The following PIEZO2 variants were observed in gnomAD, a reference collection of about 807,000 sequenced individuals.
PIEZO2 encodes piezo type mechanosensitive ion channel component 2, also known as piezo-type mechanosensitive ion channel component 2.
Under a neutral mutation model 337.3 loss-of-function variants are expected in PIEZO2, and 172 were observed. That is an observed-to-expected ratio of 0.51 (90% confidence interval 0.45 to 0.58). The LOEUF is 0.58. PIEZO2 is among the 20% of genes least tolerant of loss of function. The pLI is 0.00. For synonymous variants in PIEZO2, 1,251 were observed against 1,228.5 expected (o/e 1.02, Z -0.38); for missense variants, 3,028 against 3,391.3 (o/e 0.89, Z 2.66).
At chr18:11,022,517 T>TC in intron 2 of PIEZO2, among the ~76,000 whole-genome samples, 1 of 152,260 alleles carries the variant, frequency 6.6e-6, no homozygotes, top group Non-Finnish European at 1.5e-5. Flanking sequence ...GGGGCCTCTC[T>TC]CCTTGGCTGG....
intron 4 of PIEZO2, among the ~76,000 whole-genome samples, chr18:10,889,032 GA>G (rs2042684635): frequency 6.6e-6 from 1 of 152,188 alleles, no homozygotes; most frequent in East Asian, 1.9e-4. Flanking sequence ...AGGAAGGAAG[GA>G]AAAATGGAAA....
At position 10,752,868 on chromosome 18, in the gene PIEZO2, T is replaced by TCTA; in HGVS notation, c.3932_3934dup (p.Leu1311_Asp1312insVal). 2 of 1,530,480 alleles carry TCTA rather than the reference T, an allele frequency of 1.3e-6. No individual in the cohort carries two copies. Among genetic ancestry groups the TCTA allele is most frequent in the Non-Finnish European group, 1.8e-6 (2 of 1,142,178 alleles). 94.8% of individuals were successfully genotyped at this position (1,530,480 alleles called of 1,614,324 possible). On this transcript the variant is annotated inframe_insertion, in exon 28 of 56. Coordinates refer to ENST00000674853, the MANE Select transcript of PIEZO2 (RefSeq NM_001378183.1). ...GCTGAAGATGATCACTTTGGACATG[T>TCTA]CTAAGTAAGATCTGGAAAACAAAGC...
At chr18:10,758,245 G>A in intron 26 of PIEZO2, 111 bp from the exon 27 acceptor site, 2 of 1,246,250 alleles carry the variant, frequency 1.6e-6, no homozygotes, top group Admixed American at 2.6e-5. Context: ...TAAGTGAGTT[G>A]TGTTCCCAAA....
chr18:11,018,131 G>A (rs1222350047), intron 2 of PIEZO2, among the ~76,000 whole-genome samples: 1 of 151,714 alleles, frequency 6.6e-6, no homozygotes, highest in Non-Finnish European at 1.5e-5. Context: ...GTAGTGGCCG[G>A]TCATCCACAG....
chr18:10,857,191 A>G lies in PIEZO2; in HGVS notation c.513T>C (p.Asp171=). The G allele has an allele frequency of 3.9e-6, 6 of 1,537,784 alleles. No individual in the cohort carries two copies. The highest frequency in any genetic ancestry group is 4.4e-6 in the Non-Finnish European group (5 of 1,147,028). The change falls in exon 6 of 56, where the codon GAT becomes GAC. Residue 171 remains aspartate, a synonymous_variant. Transcript: ENST00000674853. ...CTTCATAGATCAGTGCCTCTTCTGA[A>G]TCAATTTTTTCTCCTTCAGCCTAAA... ...NEELAEGEKI[D]SEEALIYEED...
rs557380541 is a variant in PIEZO2 at position 10,700,069 on chromosome 18, T to A, written c.6442-892A>T. Among the ~76,000 whole-genome samples the A allele has an allele frequency of 5.9e-5, 9 of 151,612 alleles. No individual in the cohort carries two copies. The South Asian group carries it at 1.7e-3, about 28-fold the overall frequency. On this transcript the variant is annotated intron_variant, in intron 43 of 55. Coordinates refer to ENST00000674853, the MANE Select transcript of PIEZO2 (RefSeq NM_001378183.1). The stretch of plus-strand genomic sequence containing the variant: ...AACATATTCAATGAATGTATTCTTA[T>A]AAACATAACAAACATTTTAGCTTTT...
chr18:10,880,166 C>T (rs117903936), intron 4 of PIEZO2, among the ~76,000 whole-genome samples: 3 of 152,138 alleles, frequency 2.0e-5, no homozygotes, highest in Non-Finnish European at 4.4e-5. Context: ...CTGTGTAGAA[C>T]GAATATGAAA....
At chr18:10,890,298 C>A (rs551983270) in intron 4 of PIEZO2, among the ~76,000 whole-genome samples, 3 of 152,300 alleles carry the variant, frequency 2.0e-5, no homozygotes, top group Admixed American at 2.0e-4. Context: ...TAAGGCAGAG[C>A]AGGCCTCATT....
At chr18:11,089,622 C>T (rs948408106) in intron 1 of PIEZO2, among the ~76,000 whole-genome samples, 3 of 152,200 alleles carry the variant, frequency 2.0e-5, no homozygotes, top group Non-Finnish European at 2.9e-5. Context: ...AAATCCCCAT[C>T]AACTCCATTA....
rs972514835 is a variant in PIEZO2 at position 10,846,234 on chromosome 18, A to C, written c.917+9119T>G. On this transcript the variant is annotated intron_variant, in intron 7 of 55. Coordinates refer to ENST00000674853, the MANE Select transcript of PIEZO2 (RefSeq NM_001378183.1). The surrounding 1 kb of genome is among the most constrained non-coding windows in gnomAD (Gnocchi z 4.1). ...GGCAGAAGGCAAGGAGGAGCAAGTC[A>C]CATCTTACACAGATGGCAGCAGGCA... is the stretch of plus-strand genomic sequence containing the variant. 6.6e-6 allele frequency among the ~76,000 whole-genome samples: 1 copy of C among 152,196 alleles called. No homozygotes were observed. The highest frequency in any genetic ancestry group is 1.5e-5 in the Non-Finnish European group (1 of 68,036).
intron 16 of PIEZO2, among the ~76,000 whole-genome samples, chr18:10,786,242 T>C (rs184300461): frequency 1.1e-4 from 17 of 152,350 alleles, no homozygotes; most frequent in African/African-American, 4.1e-4. Flanking sequence ...TAGACTTATT[T>C]TACACTAAAT....
At chr18:10,832,026 G>A (rs955231765) in intron 7 of PIEZO2, among the ~76,000 whole-genome samples, 11 of 152,094 alleles carry the variant, frequency 7.2e-5, no homozygotes, top group Non-Finnish European at 1.3e-4. Flanking sequence ...GGCCAGGTGC[G>A]GTGGCTCACA....
chr18:11,103,519 T>C (rs2039476496), intron 1 of PIEZO2, among the ~76,000 whole-genome samples: 1 of 152,166 alleles, frequency 6.6e-6, no homozygotes, highest in South Asian at 2.1e-4. Context: ...GTGATTTCAG[T>C]TTAAACCAAG....
At chr18:11,124,579 G>A (rs2040128406) in intron 1 of PIEZO2, among the ~76,000 whole-genome samples, 1 of 152,126 alleles carries the variant, frequency 6.6e-6, no homozygotes, top group Non-Finnish European at 1.5e-5. Context: ...GTTCCTTGAT[G>A]GAGACTTGGG....
In PIEZO2 at chr18:11,035,799, T is replaced by G. The variant is rs1258497750; in HGVS notation, c.160+30328A>C. Among the ~76,000 whole-genome samples the G allele has an allele frequency of 6.6e-6, 1 of 152,242 alleles. No homozygotes were observed. The highest frequency in any genetic ancestry group is 1.5e-5 in the Non-Finnish European group (1 of 68,004). ...AGCACATATTTGTAAATAAGCCAAC[T>G]CCTAAAATAATATGAAACTCTGACT... is the stretch of plus-strand genomic sequence containing the variant. On this transcript the variant is annotated intron_variant, in intron 2 of 55. Coordinates refer to ENST00000674853, the MANE Select transcript of PIEZO2 (RefSeq NM_001378183.1). The surrounding 1 kb of genome is among the most constrained non-coding windows in gnomAD (Gnocchi z 4.3).
At position 10,784,793 on chromosome 18, in the gene PIEZO2, G is replaced by A. The variant is rs775818446; in HGVS notation, c.2483C>T (p.Thr828Ile). Residue 828 changes from threonine (T) to isoleucine (I), a missense_variant, in exon 17 of 56, where the codon ACC (threonine) becomes ATC (isoleucine). Around this residue, in one of 5 missense-constraint regions of PIEZO2, gnomAD observed 1,925 missense variants for 2,051.9 expected, o/e 0.94. Transcript: ENST00000674853. The surrounding 1 kb of genome is among the most constrained non-coding windows in gnomAD (Gnocchi z 4.5). ...TCTTCCAGTGGCTCACCTGTAGATG[G>A]TGTTGTCTTCTTTGCTGGGAATGGA... The part of the protein sequence containing the change: ...LKSIPSKEDN[T>I]IYSHAKVNGR... 6 of 1,536,634 alleles carry A rather than the reference G, an allele frequency of 3.9e-6. 1 individual carries two copies. The East Asian group carries it at 7.3e-5, about 19-fold the overall frequency.
chr18:10,757,940 G>A (rs2037952167), intron 27 of PIEZO2, 29 bp downstream of exon 27: 2 of 1,516,394 alleles, frequency 1.3e-6, no homozygotes, highest in East Asian at 4.9e-5. Context: ...CATCAAAGTG[G>A]CTTTTAGCAA....
chr18:10,949,715 A>T (rs1186523659), intron 3 of PIEZO2, among the ~76,000 whole-genome samples: 2 of 152,256 alleles, frequency 1.3e-5, no homozygotes, highest in African/African-American at 4.8e-5. Context: ...TGCAGAGAGA[A>T]GGTGTTTTCT....
Position 10,764,443 on chromosome 18 carries a change from C to G in PIEZO2, c.2947-1345G>C, listed in dbSNP as rs182466753. On this transcript the variant is annotated intron_variant, in intron 21 of 55. Transcript: ENST00000674853. ...GATCACGAGGTCAGGAGTTCAAGACCGGCCCGGCCAAGATGGTGAAACCCC... is the reference window on the plus strand; with the variant it reads ...GATCACGAGGTCAGGAGTTCAAGACGGGCCCGGCCAAGATGGTGAAACCCC... Among the ~76,000 whole-genome samples the G allele has an allele frequency of 8.7e-4, 132 of 152,128 alleles. 1 individual carries two copies. The highest frequency in any genetic ancestry group is 1.3e-3 in the Non-Finnish European group (86 of 67,988).
Sources: gnomAD v4.1 joint callset for allele counts (sites outside exome capture counted in the v4.1 genomes callset) on GRCh38, gnomAD v4.1.1 for gene constraint, gnomAD v4.1.1 regional missense constraint, Gnocchi (gnomAD v3.1) non-coding constraint, MANE v1.5 for transcripts, NCBI Gene and HGNC (gene_info 2026-07-23, HGNC 2026-07-21) for gene names.